Variants in PDE1C observed in about 807,000 individuals in gnomAD.
The protein encoded by PDE1C is phosphodiesterase 1C.
PDE1C carries 62 observed loss-of-function variants against 93.1 expected under a neutral mutation model. The observed-to-expected ratio is 0.67, with a 90% CI of 0.54 to 0.82. The LOEUF is 0.82. Among genes scored for constraint, PDE1C ranks in the 40% least tolerant of loss-of-function variants. The pLI is 0.00. For missense variants in PDE1C, 742 were observed against 884.6 expected (o/e 0.84, Z 2.04); for synonymous variants, 325 against 310.1 (o/e 1.05, Z -0.50).
chr7:31,981,171 G>A (rs554010688), intron 2 of PDE1C, among the ~76,000 whole-genome samples: 1 of 152,038 alleles, frequency 6.6e-6, no homozygotes. Context: ...ACACTACCTT[G>A]TTAACTCAAT....
intron 1 of PDE1C, among the ~76,000 whole-genome samples, chr7:32,220,089 G>A (rs772035002): frequency 2.0e-5 from 3 of 151,562 alleles, no homozygotes; most frequent in Non-Finnish European, 4.4e-5. Context: ...ATGGAACTGT[G>A]AGTCCCTTAA....
At chr7:31,653,386 A>G in the PDE1C span, 1 of 153,638 alleles carries the variant, frequency 6.5e-6, no homozygotes, top group Non-Finnish European at 1.4e-5. Context: ...AGCTCAGTGG[A>G]TCTGCACTTT....
intron 2 of PDE1C, among the ~76,000 whole-genome samples, chr7:32,008,815 T>C (rs938502135): frequency 2.6e-5 from 4 of 152,240 alleles, no homozygotes; most frequent in Non-Finnish European, 5.9e-5. Flanking sequence ...CCATGTTTTA[T>C]CAAATACAAG....
chr7:31,997,399 T>G (rs561284942), intron 2 of PDE1C, among the ~76,000 whole-genome samples: 40 of 152,334 alleles, frequency 2.6e-4, no homozygotes, highest in African/African-American at 9.6e-4. Flanking sequence ...TCACAATGGT[T>G]GGATTCAGGT....
At chr7:32,194,963 T>C (rs1442112176) in intron 2 of PDE1C, among the ~76,000 whole-genome samples, 1 of 152,194 alleles carries the variant, frequency 6.6e-6, no homozygotes, top group East Asian at 1.9e-4. Context: ...TATTACACTA[T>C]ATATACATAA....
At chr7:31,816,277 T>C (rs1246863699) in intron 14 of PDE1C, 123 bp from the exon 15 acceptor site, 18 of 856,830 alleles carry the variant, frequency 2.1e-5, no homozygotes, top group Non-Finnish European at 2.9e-5. Context: ...TGGGTACATT[T>C]TTGCTTAATT....
chr7:32,320,616 C>T (rs1353905481), intron 1 of PDE1C, among the ~76,000 whole-genome samples: 2 of 129,494 alleles, frequency 1.5e-5, no homozygotes, highest in African/African-American at 6.0e-5. Flanking sequence ...TGCTTAGGCA[C>T]ACACATACAC....
intron 2 of PDE1C, among the ~76,000 whole-genome samples, chr7:31,951,262 T>C (rs1255680620): frequency 6.6e-6 from 1 of 152,206 alleles, no homozygotes; most frequent in Non-Finnish European, 1.5e-5. Flanking sequence ...TTCATTTCAG[T>C]CTCTAATACA....
intron 3 of PDE1C, among the ~76,000 whole-genome samples, chr7:32,092,683 C>T (rs778055389): frequency 7.9e-5 from 12 of 152,156 alleles, no homozygotes; most frequent in Non-Finnish European, 1.2e-4. Flanking sequence ...GAGGATAAGT[C>T]TCCCACTTAC....
intron 2 of PDE1C, among the ~76,000 whole-genome samples, chr7:31,938,791 C>T (rs1012615508): frequency 3.3e-5 from 5 of 151,960 alleles, no homozygotes; most frequent in African/African-American, 1.2e-4. Context: ...CACATAGCTC[C>T]TAGCACATAA....
the PDE1C span, among the ~76,000 whole-genome samples, chr7:31,697,448 C>T: frequency 6.6e-6 from 1 of 152,126 alleles, no homozygotes; most frequent in African/African-American, 2.4e-5. Flanking sequence ...ACGGATTTTG[C>T]GTCTTATGGC....
the PDE1C span, among the ~76,000 whole-genome samples, chr7:31,635,829 G>A: frequency 1.3e-5 from 2 of 152,068 alleles, no homozygotes; most frequent in African/African-American, 2.4e-5. Flanking sequence ...TGCATGCCAG[G>A]CTTAATACCT....
At chr7:31,982,715 T>A (rs1042952362) in intron 2 of PDE1C, among the ~76,000 whole-genome samples, 2 of 152,000 alleles carry the variant, frequency 1.3e-5, no homozygotes, top group Non-Finnish European at 2.9e-5. Flanking sequence ...AGAATCTAGA[T>A]GGCAAGTGTA....
chr7:32,041,303 C>T (rs1274128911), intron 2 of PDE1C, among the ~76,000 whole-genome samples: 3 of 152,190 alleles, frequency 2.0e-5, no homozygotes. Flanking sequence ...CAAACCCCTG[C>T]TCTGTATTCC....
At chr7:31,715,677 A>G in the PDE1C span, among the ~76,000 whole-genome samples, 32 of 152,350 alleles carry the variant, frequency 2.1e-4, no homozygotes, top group Admixed American at 9.1e-4. Context: ...TAGTAGATGT[A>G]ACTTTCATTC....
intron 1 of PDE1C, among the ~76,000 whole-genome samples, chr7:32,369,325 CA>C (rs1231605824): frequency 6.6e-6 from 1 of 152,012 alleles, no homozygotes; most frequent in Non-Finnish European, 1.5e-5. Flanking sequence ...TAAAAGTAGG[CA>C]AAAGATTGGA....
rs61570933 is a variant in PDE1C at position 32,009,925 on chromosome 7, A to C, written c.128+41629T>G. ...TCAGAAGTTGAAATTTAAAAATACC[A>C]TCTATAGTCATATAAAAAATCTGAA... On this transcript the variant is annotated intron_variant, in intron 2 of 17. Transcript: ENST00000396191. 3.9e-3 allele frequency among the ~76,000 whole-genome samples: 590 copies of C among 152,330 alleles called. 3 individuals are homozygous for C. The highest frequency in any genetic ancestry group is 0.013 in the African/African-American group (553 of 41,584).
chr7:32,331,819 T>C (rs55736616), intron 1 of PDE1C, among the ~76,000 whole-genome samples: 3 of 152,206 alleles, frequency 2.0e-5, no homozygotes, highest in Non-Finnish European at 4.4e-5. Context: ...GTTTATAGTA[T>C]TGTATAGATT....
intron 2 of PDE1C, among the ~76,000 whole-genome samples, chr7:31,948,408 A>T (rs1019754397): frequency 6.6e-6 from 1 of 152,224 alleles, no homozygotes; most frequent in Non-Finnish European, 1.5e-5. Flanking sequence ...CAGTTTACAC[A>T]TTGGCTGAAG....
Sources: gnomAD v4.1 joint callset for allele counts (sites outside exome capture counted in the v4.1 genomes callset) on GRCh38, gnomAD v4.1.1 for gene constraint, MANE v1.5 for transcripts, NCBI Gene and HGNC (gene_info 2026-07-23, HGNC 2026-07-21) for gene names.